CLPB: variants seen among roughly 807,000 people sequenced by gnomAD.
CLPB encodes mitochondrial disaggregase.
CLPB carries 40 observed loss-of-function variants against 78.4 expected under a neutral mutation model. The ratio of observed to expected loss-of-function variants is 0.51; its 90% CI spans 0.40 to 0.66. The LOEUF is 0.66. Among genes scored for constraint, CLPB ranks in the 30% least tolerant of loss-of-function variants. The pLI, the probability that CLPB is intolerant of heterozygous loss-of-function variation, is 0.00. For missense variants in CLPB, 780 were observed against 886.9 expected (o/e 0.88, Z 1.53); for synonymous variants, 333 against 348.0 (o/e 0.96, Z 0.48).
chr11:72,376,829 G>T (rs138094861), intron 4 of CLPB, among the ~76,000 whole-genome samples: 1 of 151,956 alleles, frequency 6.6e-6, no homozygotes, highest in Non-Finnish European at 1.5e-5. Context: ...GCACCACCAC[G>T]CCCTGCTAAG....
chr11:72,413,071 C>T (rs533391044), intron 2 of CLPB, among the ~76,000 whole-genome samples: 9 of 152,154 alleles, frequency 5.9e-5, no homozygotes, highest in African/African-American at 1.9e-4. Context: ...GGCGAGTCAC[C>T]TGAGGTCGGG....
chr11:72,380,705 C>A (rs1854885107), intron 3 of CLPB, among the ~76,000 whole-genome samples: 1 of 152,182 alleles, frequency 6.6e-6, no homozygotes, highest in African/African-American at 2.4e-5. Context: ...TGAAACTTAT[C>A]AGCTGAGAAG....
rs1307989726 is a variant in CLPB at position 72,376,921 on chromosome 11, C to T, written c.646+3360G>A. ...CTAGCCTCAGGTGATCTGCTTGCCTCGGCCTCCCAATGTGCTGGGACTACA... is the reference window on the plus strand; with the variant it reads ...CTAGCCTCAGGTGATCTGCTTGCCTTGGCCTCCCAATGTGCTGGGACTACA... On this transcript the variant is annotated intron_variant, in intron 4 of 15. Coordinates refer to ENST00000538039, the MANE Select transcript of CLPB (RefSeq NM_001258392.3). Among the ~76,000 whole-genome samples, 45 of 152,270 alleles carry T rather than the reference C, an allele frequency of 3.0e-4. 1 individual carries two copies. The highest frequency in any genetic ancestry group is 2.9e-3 in the Admixed American group (44 of 15,298).
intron 5 of CLPB, among the ~76,000 whole-genome samples, chr11:72,332,398 A>G (rs1417363215): frequency 2.0e-5 from 3 of 152,106 alleles, no homozygotes; most frequent in African/African-American, 7.2e-5. Flanking sequence ...CTGAAGCACA[A>G]GAATTGCATG....
intron 5 of CLPB, among the ~76,000 whole-genome samples, chr11:72,347,014 A>G (rs1168967129): frequency 7.4e-5 from 11 of 148,532 alleles, no homozygotes; most frequent in Middle Eastern, 6.9e-3. Context: ...AAAAAAAGGT[A>G]AGTACCCATG....
intron 2 of CLPB, among the ~76,000 whole-genome samples, chr11:72,422,484 TGGAAA>T (rs1856239773): frequency 6.6e-6 from 1 of 152,162 alleles, no homozygotes; most frequent in African/African-American, 2.4e-5. Context: ...TCCAACATTC[TGGAAA>T]GGCATTCAAA....
At chr11:72,373,263 G>A (rs925867220) in intron 4 of CLPB, among the ~76,000 whole-genome samples, 1 of 152,208 alleles carries the variant, frequency 6.6e-6, no homozygotes, top group South Asian at 2.1e-4. Flanking sequence ...TTGTACATAT[G>A]AGAGGCACTC....
Position 72,430,373 on chromosome 11 carries a change from A to C in CLPB, c.404-10T>G. On this transcript the variant is annotated splice_polypyrimidine_tract_variant and intron_variant, in intron 1 of 15. Transcript: ENST00000538039. ...TCCAACAGGGCTGCATCTGAAGAGA[A>C]AGGGGGCACTGGTCAGATCCGCGGC... The C allele has an allele frequency of 6.2e-7, 1 of 1,612,730 alleles. No individual in the cohort carries two copies. Among genetic ancestry groups the C allele is most frequent in the Non-Finnish European group, 8.5e-7 (1 of 1,179,680 alleles).
chr11:72,296,536 C>T (rs950516275), intron 11 of CLPB, among the ~76,000 whole-genome samples: 1 of 152,220 alleles, frequency 6.6e-6, no homozygotes, highest in African/African-American at 2.4e-5. Flanking sequence ...ACTCAGCGAA[C>T]CTCAAGGGCA....
chr11:72,430,288 A>C (rs1210601619), intron 2 of CLPB, 24 bp downstream of exon 2: 1 of 1,610,354 alleles, frequency 6.2e-7, no homozygotes, highest in East Asian at 2.2e-5. Flanking sequence ...TGTAGGGGAG[A>C]GCAAGGCCTG....
At position 72,405,138 on chromosome 11, in the gene CLPB, T is replaced by C. The variant is rs563385600; in HGVS notation, c.456-2086A>G. Among the ~76,000 whole-genome samples the C allele has an allele frequency of 7.2e-5, 11 of 152,278 alleles. No individual in the cohort carries two copies. The East Asian group carries it at 2.1e-3, about 29-fold the overall frequency. ...CTTCTGACGGCACAAACTTGAATTGTGTCTTGAAGAAGGGGAAGAGTTTAG... is the reference window on the plus strand; with the variant it reads ...CTTCTGACGGCACAAACTTGAATTGCGTCTTGAAGAAGGGGAAGAGTTTAG... On this transcript the variant is annotated intron_variant, in intron 2 of 15. Transcript: ENST00000538039.
intron 6 of CLPB, among the ~76,000 whole-genome samples, chr11:72,320,774 A>G (rs1950029656): frequency 2.6e-5 from 4 of 152,100 alleles, no homozygotes; most frequent in African/African-American, 7.2e-5. Flanking sequence ...GTACAATGGC[A>G]CTGTGTCGGC....
chr11:72,367,484 G>A (rs1393517627), intron 4 of CLPB, among the ~76,000 whole-genome samples: 2 of 152,112 alleles, frequency 1.3e-5, no homozygotes, highest in African/African-American at 2.4e-5. Flanking sequence ...AAAGTGCTGG[G>A]ATTACAGGCG....
chr11:72,410,813 G>GT (rs1208646349), intron 2 of CLPB: 1 of 152,202 alleles, frequency 6.6e-6, no homozygotes, highest in African/African-American at 2.4e-5. Flanking sequence ...GACCAAAGAG[G>GT]TAACAGCTAT....
intron 2 of CLPB, chr11:72,410,624 C>A: frequency 6.6e-6 from 1 of 152,186 alleles, no homozygotes; most frequent in East Asian, 1.9e-4. Context: ...ACAGTAAGTG[C>A]TCCAAATTAC....
intron 2 of CLPB, among the ~76,000 whole-genome samples, chr11:72,406,670 T>C (rs1460593043): frequency 1.3e-5 from 2 of 152,174 alleles, no homozygotes. Context: ...TTCTAAGATG[T>C]GATCACACAG....
intron 4 of CLPB, among the ~76,000 whole-genome samples, chr11:72,361,657 G>A (rs1950841009): frequency 6.6e-6 from 1 of 152,212 alleles, no homozygotes; most frequent in South Asian, 2.1e-4. Flanking sequence ...TGCCACATAG[G>A]ACATTAACTG....
At chr11:72,321,532 GCTGGGCTCGCTTTGCTT>G (rs1950043654) in intron 6 of CLPB, among the ~76,000 whole-genome samples, 1 of 152,236 alleles carries the variant, frequency 6.6e-6, no homozygotes, top group South Asian at 2.1e-4. Context: ...GCGAAGCCTA[GCTGGGCTCGCTTTGCTT>G]AGAGGTGGGT....
At chr11:72,430,287 G>A (rs368506661) in intron 2 of CLPB, 25 bp downstream of exon 2, 4 of 1,610,064 alleles carry the variant, frequency 2.5e-6, no homozygotes, top group East Asian at 4.5e-5. Flanking sequence ...CTGTAGGGGA[G>A]AGCAAGGCCT....
Sources: gnomAD v4.1 joint callset for allele counts (sites outside exome capture counted in the v4.1 genomes callset) on GRCh38, gnomAD v4.1.1 for gene constraint, MANE v1.5 for transcripts, NCBI Gene and HGNC (gene_info 2026-07-23, HGNC 2026-07-21) for gene names.